ADGRL2: variants seen among roughly 807,000 people sequenced by gnomAD.
The protein encoded by ADGRL2 is calcium-independent alpha-latrotoxin receptor 2.
ADGRL2 carries 44 observed loss-of-function variants against 157.4 expected under a neutral mutation model. That is an observed-to-expected ratio of 0.28 (90% CI 0.22 to 0.36). The LOEUF is 0.36. Ranked by LOEUF, ADGRL2 falls within the 10% of genes least tolerant of loss-of-function variation. The probability of loss-of-function intolerance (pLI) is 1.00; values close to 1 mark genes in which losing one functional copy is unlikely to be tolerated. For synonymous variants in ADGRL2, 585 were observed against 624.7 expected (o/e 0.94, Z 0.95); for missense variants, 1,510 against 1,768.9 (o/e 0.85, Z 2.63).
chr1:81,893,499 C>T (rs544026548), intron 2 of ADGRL2, among the ~76,000 whole-genome samples: 16 of 152,090 alleles, frequency 1.1e-4, no homozygotes, highest in Non-Finnish European at 1.9e-4. Flanking sequence ...AAGCAGGATT[C>T]CTATGAGCCT....
chr1:81,547,806 A>G (rs2080053997), intron 2 of ADGRL2, among the ~76,000 whole-genome samples: 1 of 152,156 alleles, frequency 6.6e-6, no homozygotes, highest in Non-Finnish European at 1.5e-5. Flanking sequence ...AGAAGTTTGC[A>G]ACAAGGGAAC....
rs111749595 is a variant in ADGRL2 at position 81,819,267 on chromosome 1, A to G, written c.-100-17618A>G. ...GGGTTAGAATTTGGCATTTGATTGA[A>G]TGCGAGGTAAAGGAGGAGCAAAGAA... On this transcript the variant is annotated intron_variant, in intron 1 of 23. Coordinates refer to ENST00000686636, the MANE Select transcript of ADGRL2 (RefSeq NM_001366006.2). 4.3e-4 allele frequency among the ~76,000 whole-genome samples: 66 copies of G among 152,206 alleles called. 1 individual carries two copies. Among genetic ancestry groups the G allele is most frequent in the African/African-American group, 1.5e-3 (64 of 41,530 alleles).
chr1:81,947,354 G>A (rs1334357334), intron 6 of ADGRL2, among the ~76,000 whole-genome samples: 2 of 152,178 alleles, frequency 1.3e-5, no homozygotes, highest in African/African-American at 4.8e-5. Context: ...TCAGTTAAAT[G>A]TTCCCAGATA....
rs147305745 is a variant in ADGRL2 at position 81,418,621 on chromosome 1, G to T, written c.-301-26415G>T. Among the ~76,000 whole-genome samples the T allele has an allele frequency of 9.4e-3, 1,430 of 152,176 alleles. 17 individuals carry two copies. Among genetic ancestry groups the T allele is most frequent in the African/African-American group, 0.032 (1,318 of 41,518 alleles). ...AAAAAAAAAATACCCAGGCGTGGTG[G>T]CAGGCGCCTGCAGTCCCAGCTACTC... On this transcript the variant is annotated intron_variant, in intron 1 of 24. Transcript: ENST00000370721.
Position 81,746,960 on chromosome 1 carries a change from A to ACACACG in ADGRL2, c.-142-14851_-142-14850insCACACG, listed in dbSNP as rs1557615467. Among the ~76,000 whole-genome samples, 8 of 146,816 alleles carry ACACACG rather than the reference A, an allele frequency of 5.4e-5. No individual in the cohort carries two copies. In the East Asian group the frequency reaches 1.6e-3, roughly 29 times the overall value. The stretch of plus-strand genomic sequence containing the variant: ...CGTATACACATGTATGTATATACGT[A>ACACACG]TATACACACGTATACACACGTGTGT... On this transcript the variant is annotated intron_variant, in intron 1 of 20. Transcript: ENST00000359929.
chr1:81,509,240 C>A (rs1242244940), intron 2 of ADGRL2, among the ~76,000 whole-genome samples: 1 of 152,182 alleles, frequency 6.6e-6, no homozygotes, highest in Admixed American at 6.5e-5. Flanking sequence ...ACCCTGTTAA[C>A]TGCATCTTAG....
intron 2 of ADGRL2, among the ~76,000 whole-genome samples, chr1:81,465,759 G>C (rs1192294379): frequency 6.6e-6 from 1 of 152,036 alleles, no homozygotes; most frequent in Non-Finnish European, 1.5e-5. Context: ...TTTGTTTATA[G>C]TACTAAAGAA....
intron 1 of ADGRL2, among the ~76,000 whole-genome samples, chr1:81,358,175 G>A (rs367738900): frequency 8.5e-5 from 13 of 152,290 alleles, no homozygotes; most frequent in Non-Finnish European, 1.3e-4. Flanking sequence ...CTAATTTGTG[G>A]AAACAAGGTA....
rs759292811 is a variant in ADGRL2 at position 81,786,982 on chromosome 1, G to A, written c.-101+25130G>A. The stretch of plus-strand genomic sequence containing the variant: ...CCGGTAGGAGATAATCTGAATCATG[G>A]GGATGGGGGTGGTTTCCCCTATACT... On this transcript the variant is annotated intron_variant, in intron 2 of 20. Transcript: ENST00000359929. Among the ~76,000 whole-genome samples the A allele has an allele frequency of 2.0e-5, 3 of 152,256 alleles. No individual in the cohort carries two copies. The East Asian group carries it at 5.8e-4, about 29-fold the overall frequency.
intron 3 of ADGRL2, among the ~76,000 whole-genome samples, chr1:81,606,551 G>C (rs1327810697): frequency 7.9e-5 from 12 of 151,730 alleles, no homozygotes; most frequent in Admixed American, 7.9e-4. Context: ...TATCAACCAA[G>C]TATTTGCTTG....
intron 6 of ADGRL2, among the ~76,000 whole-genome samples, chr1:81,948,110 G>A (rs1346301148): frequency 1.3e-5 from 2 of 151,828 alleles, no homozygotes; most frequent in Non-Finnish European, 2.9e-5. Context: ...CCAGCTACTC[G>A]GGAAGCTGAA....
chr1:81,855,606 T>G (rs1398037048), intron 2 of ADGRL2, among the ~76,000 whole-genome samples: 5 of 152,140 alleles, frequency 3.3e-5, no homozygotes, highest in African/African-American at 7.2e-5. Flanking sequence ...TTATGATACA[T>G]TTTCAATGCG....
intron 1 of ADGRL2, among the ~76,000 whole-genome samples, chr1:81,430,247 G>A (rs1488672622): frequency 6.6e-6 from 1 of 152,186 alleles, no homozygotes; most frequent in Non-Finnish European, 1.5e-5. Flanking sequence ...ATGATAGATG[G>A]CAATGTAGTA....
chr1:81,776,930 A>T (rs1452869211), intron 2 of ADGRL2, among the ~76,000 whole-genome samples: 1 of 152,226 alleles, frequency 6.6e-6, no homozygotes, highest in Non-Finnish European at 1.5e-5. Context: ...AATTAACGTA[A>T]TTAACACTGT....
At chr1:81,363,621 G>A (rs190970736) in intron 1 of ADGRL2, among the ~76,000 whole-genome samples, 4 of 152,116 alleles carry the variant, frequency 2.6e-5, no homozygotes, top group Admixed American at 2.6e-4. Flanking sequence ...TCAAATAAAT[G>A]ACAAGTGTCC....
intron 3 of ADGRL2, among the ~76,000 whole-genome samples, chr1:81,630,500 T>C (rs1557520296): frequency 6.6e-6 from 1 of 152,152 alleles, no homozygotes; most frequent in Non-Finnish European, 1.5e-5. Context: ...AAAGGTGAAA[T>C]ACATATGATA....
intron 3 of ADGRL2, among the ~76,000 whole-genome samples, chr1:81,628,891 A>G (rs988533472): frequency 6.6e-6 from 1 of 152,264 alleles, no homozygotes; most frequent in Non-Finnish European, 1.5e-5. Flanking sequence ...CTAAGAAATG[A>G]CAAGAAATAA....
chr1:81,757,666 C>T (rs919160210), intron 1 of ADGRL2, among the ~76,000 whole-genome samples: 2 of 152,128 alleles, frequency 1.3e-5, no homozygotes, highest in East Asian at 3.9e-4. Context: ...TAGGGGCTGC[C>T]CGAATCACGA....
intron 3 of ADGRL2, among the ~76,000 whole-genome samples, chr1:81,663,124 T>C (rs995681903): frequency 6.1e-5 from 8 of 131,390 alleles, no homozygotes; most frequent in Admixed American, 1.9e-4. Context: ...GACTCTGGAA[T>C]TTCCTTATCT....
Sources: allele counts gnomAD v4.1 joint callset (sites outside exome capture counted in the v4.1 genomes callset), GRCh38; gene constraint gnomAD v4.1.1; transcripts MANE v1.5; gene names NCBI Gene and HGNC (gene_info 2026-07-23, HGNC 2026-07-21).